Variants in WWC2 observed in about 807,000 individuals in gnomAD.
WWC2 encodes protein WWC2.
Under a neutral mutation model 138.5 loss-of-function variants are expected in WWC2, and 101 were observed. That is an observed-to-expected ratio of 0.73 (90% CI 0.62 to 0.86). The LOEUF is 0.86. WWC2 is among the 40% of genes least tolerant of loss of function. The pLI is 0.00. For synonymous variants in WWC2, 558 were observed against 538.4 expected, an observed-to-expected ratio of 1.04 and a Z score of -0.50; for missense variants, 1,420 against 1,419.4, an observed-to-expected ratio of 1.00 and a Z score of -0.01.
intron 21 of WWC2, among the ~76,000 whole-genome samples, chr4:183,289,994 G>C (rs1327323396): frequency 6.6e-6 from 1 of 151,976 alleles, no homozygotes; most frequent in Non-Finnish European, 1.5e-5. Flanking sequence ...AATAAATGCA[G>C]TATAAATTTT....
intron 1 of WWC2, among the ~76,000 whole-genome samples, chr4:183,112,548 A>G (rs1252466069): frequency 6.6e-6 from 1 of 152,210 alleles, no homozygotes; most frequent in Non-Finnish European, 1.5e-5. Context: ...TCACTCATTC[A>G]TTCATTCAAT....
At chr4:183,260,106 G>A (rs990825291) in intron 10 of WWC2, among the ~76,000 whole-genome samples, 3 of 152,152 alleles carry the variant, frequency 2.0e-5, no homozygotes, top group African/African-American at 7.2e-5. Flanking sequence ...AAGAGGAAAC[G>A]TGAGCGAACC....
chr4:183,289,764 C>T, intron 21 of WWC2, 129 bp downstream of exon 21: 1 of 1,279,528 alleles, frequency 7.8e-7, no homozygotes, highest in Non-Finnish European at 1.1e-6. Context: ...CAGCTTGGAA[C>T]ATATTTTTCC....
rs556603430 is a variant in WWC2, at chr4:183,285,743, G to A, written c.3049-224G>A. ...CCACTGCACTCCAGCCTGGGTGACAGAGTGAGACTCTGTCTCAAAAAAAAA... is the reference window on the plus strand; with the variant it reads ...CCACTGCACTCCAGCCTGGGTGACAAAGTGAGACTCTGTCTCAAAAAAAAA... On this transcript the variant is annotated intron_variant, in intron 19 of 22. Coordinates refer to ENST00000403733, the MANE Select transcript of WWC2 (RefSeq NM_024949.6). 5.7e-3 allele frequency among the ~76,000 whole-genome samples: 873 copies of A among 152,178 alleles called. 6 individuals are homozygous for A. The highest frequency in any genetic ancestry group is 8.8e-3 in the Non-Finnish European group (598 of 68,012).
intron 4 of WWC2, among the ~76,000 whole-genome samples, chr4:183,230,859 C>A (rs986593675): frequency 2.0e-4 from 31 of 152,118 alleles, no homozygotes; most frequent in African/African-American, 5.5e-4. Flanking sequence ...AATAAAGAGA[C>A]ATGAGAAAAT....
intron 1 of WWC2, among the ~76,000 whole-genome samples, chr4:183,128,447 G>A (rs1400784858): frequency 6.6e-6 from 1 of 151,990 alleles, no homozygotes; most frequent in African/African-American, 2.4e-5. Context: ...CCCAGGAAGT[G>A]GAGGCTACAG....
chr4:183,196,373 A>G (rs1735143319), intron 2 of WWC2, among the ~76,000 whole-genome samples: 1 of 152,142 alleles, frequency 6.6e-6, no homozygotes, highest in Non-Finnish European at 1.5e-5. Flanking sequence ...ATTTTGTGAC[A>G]TACTGTTCAC....
At chr4:183,113,531 C>CGT (rs1561420363) in intron 1 of WWC2, among the ~76,000 whole-genome samples, 3 of 148,530 alleles carry the variant, frequency 2.0e-5, no homozygotes, top group African/African-American at 7.4e-5. Context: ...CGCGTGCGCG[C>CGT]GCACATGCAC....
chr4:183,185,312 C>T (rs906607165), intron 1 of WWC2, among the ~76,000 whole-genome samples: 3 of 152,180 alleles, frequency 2.0e-5, no homozygotes, highest in Non-Finnish European at 4.4e-5. Flanking sequence ...ATGTTGGTCT[C>T]ATTAGCACCA....
rs538020760 is a variant in WWC2, at chr4:183,247,239, CTT to C, written c.733-1474_733-1473del. Among the ~76,000 whole-genome samples the C allele has an allele frequency of 5.0e-3, 754 of 152,028 alleles. 2 individuals carry two copies. Among genetic ancestry groups the C allele is most frequent in the Non-Finnish European group, 7.5e-3 (508 of 67,938 alleles). On this transcript the variant is annotated intron_variant, in intron 6 of 22. Coordinates refer to ENST00000403733, the MANE Select transcript of WWC2 (RefSeq NM_024949.6). ...TGAATTTCACAGAAATATGCCTACT[CTT>C]AAACTGGTGATGTACTCTGATTTTA...
chr4:183,273,233 T>TTTG (rs1737750641), intron 16 of WWC2, among the ~76,000 whole-genome samples: 1 of 151,940 alleles, frequency 6.6e-6, no homozygotes, highest in Middle Eastern at 3.4e-3. Flanking sequence ...TAGTATATCT[T>TTTG]TTTTTTGAGA....
chr4:183,297,123 C>G (rs192557870), intron 21 of WWC2, among the ~76,000 whole-genome samples: 1 of 137,702 alleles, frequency 7.3e-6, no homozygotes, highest in African/African-American at 2.5e-5. Flanking sequence ...CACAGGCAGA[C>G]ACCACCACAC....
At chr4:183,163,846 A>G (rs1418702204) in intron 1 of WWC2, among the ~76,000 whole-genome samples, 1 of 152,164 alleles carries the variant, frequency 6.6e-6, no homozygotes, top group East Asian at 1.9e-4. Context: ...CAAATTGTAT[A>G]ACATAATTAT....
At position 183,247,623 on chromosome 4, in the gene WWC2, C is replaced by CTA. The variant is rs1553971250; in HGVS notation, c.733-1086_733-1085dup. Among the ~76,000 whole-genome samples, 282 of 126,924 alleles carry CTA rather than the reference C, an allele frequency of 2.2e-3. 14 individuals are homozygous for CTA. The highest frequency in any genetic ancestry group is 8.8e-3 in the African/African-American group (267 of 30,414). 83.3% of individuals were successfully genotyped at this position (126,924 alleles called of 152,430 possible). On this transcript the variant is annotated intron_variant, in intron 6 of 22. Transcript: ENST00000403733. ...ATATATGCTATATATACTATATATA[C>CTA]TATATACTATATATACTATATATAC...
rs781334849 is a variant in WWC2 at position 183,248,748 on chromosome 4, A to G, written c.767A>G (p.Asp256Gly). ...LAKLQERFHL[D>G]QNIGRSEPDL... ...AAGCTGCAGGAGCGGTTTCATTTGG[A>G]TCAGAACATTGGCAGATCTGAGCCA... Residue 256 changes from aspartate to glycine, a missense_variant, in exon 7 of 23, where the codon GAT becomes GGT. By Grantham distance (94) the Asp-to-Gly change is moderately conservative. Transcript: ENST00000403733. 2 of 1,603,586 alleles carry G rather than the reference A, an allele frequency of 1.2e-6. No homozygotes were observed. The highest frequency in any genetic ancestry group is 1.3e-5 in the African/African-American group (1 of 74,822).
intron 2 of WWC2, among the ~76,000 whole-genome samples, chr4:183,206,373 C>T (rs1735447327): frequency 6.6e-6 from 1 of 151,938 alleles, no homozygotes; most frequent in African/African-American, 2.4e-5. Context: ...CAAATTATCC[C>T]CTGTTTGTGT....
chr4:183,154,973 C>A (rs993335644), intron 1 of WWC2, among the ~76,000 whole-genome samples: 3 of 152,224 alleles, frequency 2.0e-5, no homozygotes, highest in African/African-American at 7.2e-5. Flanking sequence ...CTTGCTCTCG[C>A]AGCTGCTCTG....
intron 8 of WWC2, among the ~76,000 whole-genome samples, chr4:183,252,948 T>C (rs75094806): frequency 0.076 from 11,635 of 152,170 alleles, 1,493 homozygotes; most frequent in African/African-American, 0.27. Flanking sequence ...TGGCTCACTG[T>C]GGCCTCAAAC....
chr4:183,180,445 C>G (rs1169108748), intron 1 of WWC2, among the ~76,000 whole-genome samples: 3 of 151,354 alleles, frequency 2.0e-5, no homozygotes, highest in African/African-American at 7.4e-5. Flanking sequence ...CTCATGCCAA[C>G]GATGTTCTGA....
Sources: gnomAD v4.1 joint callset for allele counts (sites outside exome capture counted in the v4.1 genomes callset) on GRCh38, gnomAD v4.1.1 for gene constraint, MANE v1.5 for transcripts, NCBI Gene and HGNC (gene_info 2026-07-23, HGNC 2026-07-21) for gene names.